The following WDR25 variants were observed in gnomAD, a reference collection of about 807,000 sequenced individuals.
WDR25 encodes WD repeat domain 25.
A neutral mutation model predicts 47.7 loss-of-function variants in WDR25; 35 were observed. The observed-to-expected ratio is 0.73, with a 90% CI of 0.56 to 0.97. WDR25 has a LOEUF of 0.97. Among genes scored for constraint, WDR25 ranks in the 50% least tolerant of loss-of-function variants. The probability of loss-of-function intolerance (pLI) is 0.00; values close to 1 mark genes in which losing one functional copy is unlikely to be tolerated. For missense variants in WDR25, 634 were observed against 704.7 expected (o/e 0.90, Z 1.14); for synonymous variants, 248 against 278.9 (o/e 0.89, Z 1.10).
At chr14:100,398,722 A>G (rs1566890226) in intron 2 of WDR25, among the ~76,000 whole-genome samples, 1 of 146,884 alleles carries the variant, frequency 6.8e-6, no homozygotes, top group Non-Finnish European at 1.5e-5. Context: ...CTAGGATGCC[A>G]TATTGCATTT....
chr14:100,432,803 C>T (rs956727227), intron 2 of WDR25, among the ~76,000 whole-genome samples: 2 of 152,188 alleles, frequency 1.3e-5, no homozygotes, highest in African/African-American at 4.8e-5. Context: ...CTGAGAAATG[C>T]GTTGTTAGAC....
intron 2 of WDR25, among the ~76,000 whole-genome samples, chr14:100,399,609 C>T (rs1001783060): frequency 9.9e-5 from 15 of 152,172 alleles, no homozygotes; most frequent in African/African-American, 1.4e-4. Context: ...GCTGTTGCCA[C>T]GGAAACAGAA....
At chr14:100,446,864 C>T (rs1164748707) in intron 2 of WDR25, among the ~76,000 whole-genome samples, 1 of 152,162 alleles carries the variant, frequency 6.6e-6, no homozygotes, top group Admixed American at 6.5e-5. Flanking sequence ...CGCATGGATG[C>T]AGGGATTCCT....
chr14:100,470,207 C>T (rs1899782067), intron 3 of WDR25, among the ~76,000 whole-genome samples: 1 of 152,122 alleles, frequency 6.6e-6, no homozygotes, highest in African/African-American at 2.4e-5. Flanking sequence ...AGAGCTGACA[C>T]AGGAACAGGG....
At chr14:100,454,805 G>T (rs34616122) in intron 2 of WDR25, 19,890 of 251,294 alleles carry the variant, frequency 0.079, 1,128 homozygotes, top group Non-Finnish European at 0.11. Context: ...CCAAATCTTT[G>T]AATGCAGACT....
chr14:100,435,886 G>C (rs1555390285), intron 2 of WDR25, among the ~76,000 whole-genome samples: 1 of 152,182 alleles, frequency 6.6e-6, no homozygotes, highest in Non-Finnish European at 1.5e-5. Context: ...CCAGGGAGAA[G>C]AGTGACGCCT....
chr14:100,422,932 A>G (rs969476477), intron 2 of WDR25, among the ~76,000 whole-genome samples: 1 of 152,194 alleles, frequency 6.6e-6, no homozygotes, highest in South Asian at 2.1e-4. Context: ...TTCAGGATTG[A>G]AGTGGCGAGC....
In WDR25 at chr14:100,404,083, T is replaced by C. The variant is rs1052812709; in HGVS notation, c.822+22337T>C. ...GTGGCTGCTCCCTGACATTCACTTTTGGTAGCAATTAGAACTCCCATTTGC... is the reference window on the plus strand; with the variant it reads ...GTGGCTGCTCCCTGACATTCACTTTCGGTAGCAATTAGAACTCCCATTTGC... On this transcript the variant is annotated intron_variant, in intron 2 of 6. Coordinates refer to ENST00000402312, the MANE Select transcript of WDR25 (RefSeq NM_001161476.3). This position sits in a 1 kb window ranked among gnomAD's most constrained non-coding sequence, Gnocchi z 4.6. Among the ~76,000 whole-genome samples, 1 of 152,214 alleles carries C rather than the reference T, an allele frequency of 6.6e-6. No individual in the cohort carries two copies. The highest frequency in any genetic ancestry group is 2.4e-5 in the African/African-American group (1 of 41,444).
At chr14:100,520,012 T>C (rs1479766651) in intron 4 of WDR25, among the ~76,000 whole-genome samples, 3 of 146,440 alleles carry the variant, frequency 2.0e-5, no homozygotes, top group Non-Finnish European at 4.5e-5. Context: ...ATATGTACAC[T>C]ATATATATAC....
intron 4 of WDR25, among the ~76,000 whole-genome samples, chr14:100,503,052 T>C (rs897358152): frequency 1.3e-5 from 2 of 151,714 alleles, no homozygotes; most frequent in Admixed American, 1.3e-4. Context: ...TCCGTGTGTG[T>C]GTGTGCGTGT....
At chr14:100,387,677 T>C (rs903184011) in intron 2 of WDR25, among the ~76,000 whole-genome samples, 2 of 152,236 alleles carry the variant, frequency 1.3e-5, no homozygotes, top group African/African-American at 4.8e-5. Context: ...GACTTGTCCG[T>C]GGTCACACAG....
At chr14:100,447,264 G>A (rs867735858) in intron 2 of WDR25, among the ~76,000 whole-genome samples, 2 of 152,202 alleles carry the variant, frequency 1.3e-5, no homozygotes, top group African/African-American at 4.8e-5. Flanking sequence ...TTTTTTAGAA[G>A]TGATTAGACT....
chr14:100,419,031 G>A (rs1277775341), intron 2 of WDR25, among the ~76,000 whole-genome samples: 1 of 151,896 alleles, frequency 6.6e-6, no homozygotes, highest in African/African-American at 2.4e-5. Flanking sequence ...CCAGTCTGGC[G>A]AACATGGGGA....
chr14:100,463,448 A>G (rs986400280), intron 2 of WDR25, among the ~76,000 whole-genome samples: 2 of 151,482 alleles, frequency 1.3e-5, no homozygotes, highest in Non-Finnish European at 2.9e-5. Flanking sequence ...CCCACACTTC[A>G]CTGGCCTCTT....
At chr14:100,509,377 A>G (rs1901224404) in intron 4 of WDR25, among the ~76,000 whole-genome samples, 1 of 151,948 alleles carries the variant, frequency 6.6e-6, no homozygotes, top group Non-Finnish European at 1.5e-5. Context: ...TTTTAACTTT[A>G]TTTTTTAATG....
rs941974141 is a variant in WDR25, at chr14:100,380,860, A to G, written c.-15-50A>G. On this transcript the variant is annotated intron_variant, in intron 1 of 6. Transcript: ENST00000402312. ...GTGACATGGTTTCTTATAACTACAT[A>G]CATATTCTTCCATGCACATTTTCTG... The G allele has an allele frequency of 2.7e-6, 4 of 1,496,802 alleles. No individual in the cohort carries two copies. In the African/African-American group the frequency reaches 5.5e-5, roughly 21 times the overall value. 92.7% of individuals were successfully genotyped at this position (1,496,802 alleles called of 1,614,324 possible).
rs1477821958 is a variant in WDR25, at chr14:100,525,868, A to C, written c.1102-2A>C. On this transcript the variant is annotated splice_acceptor_variant, in intron 4 of 6. Coordinates refer to ENST00000402312, the MANE Select transcript of WDR25 (RefSeq NM_001161476.3). LOFTEE classifies it high-confidence loss of function. This position sits in a 1 kb window ranked among gnomAD's most constrained non-coding sequence, Gnocchi z 4.6. ...CAGCATGACCGGTGTCCGCTCTTGC[A>C]GGTGATGAGAAGCTACAAGGCGACC... 2 of 1,613,238 alleles carry C rather than the reference A, an allele frequency of 1.2e-6. No individual in the cohort carries two copies. The highest frequency in any genetic ancestry group is 1.7e-6 in the Non-Finnish European group (2 of 1,179,588).
At chr14:100,518,373 A>ATT (rs547010757) in intron 4 of WDR25, among the ~76,000 whole-genome samples, 323 of 141,356 alleles carry the variant, frequency 2.3e-3, no homozygotes, top group Middle Eastern at 3.7e-3. Flanking sequence ...GTAATTCTTC[A>ATT]TTTTTTTTTT....
chr14:100,496,400 T>C (rs1900729440), intron 4 of WDR25, among the ~76,000 whole-genome samples: 1 of 152,230 alleles, frequency 6.6e-6, no homozygotes, highest in South Asian at 2.1e-4. Flanking sequence ...ACTCAGTCAT[T>C]GTGACTAGAG....
Sources: allele counts gnomAD v4.1 joint callset (sites outside exome capture counted in the v4.1 genomes callset), GRCh38; gene constraint gnomAD v4.1.1; non-coding constraint Gnocchi (gnomAD v3.1); transcripts MANE v1.5; gene names NCBI Gene and HGNC (gene_info 2026-07-23, HGNC 2026-07-21).